Variants in STMND1 observed in about 807,000 individuals in gnomAD.
The protein encoded by STMND1 is stathmin domain containing 1.
A neutral mutation model predicts 23.0 loss-of-function variants in STMND1; 17 were observed. The ratio of observed to expected loss-of-function variants is 0.74; its 90% confidence interval spans 0.51 to 1.11. The LOEUF (loss-of-function observed/expected upper bound fraction) is 1.11. Ranked by LOEUF, STMND1 falls within the 50% of genes least tolerant of loss-of-function variation. The pLI, the probability that STMND1 is intolerant of heterozygous loss-of-function variation, is 0.00. For missense variants in STMND1, 305 were observed against 329.1 expected (o/e 0.93, Z 0.57); for synonymous variants, 114 against 119.9 (o/e 0.95, Z 0.32).
chr6:17,102,234 G>A lies in STMND1; in HGVS notation c.-24G>A, dbSNP rs1760948050. On this transcript the variant is annotated 5_prime_UTR_variant, in exon 1 of 5. Coordinates refer to ENST00000536551, the MANE Select transcript of STMND1 (RefSeq NM_001190766.2). ...GGGGGCGCACAGCAGCCAAGCCCGC[G>A]GAGGAGGAGCGCGCGCGCGCAGCAT... 6.6e-7 allele frequency: 1 copy of A among 1,518,274 alleles called. No homozygotes were observed. Among genetic ancestry groups the A allele is most frequent in the South Asian group, 1.2e-5 (1 of 82,068 alleles). 94.1% of individuals were successfully genotyped at this position (1,518,274 alleles called of 1,614,324 possible).
At chr6:17,127,022 G>C (rs553481944) in intron 3 of STMND1, among the ~76,000 whole-genome samples, 1 of 152,312 alleles carries the variant, frequency 6.6e-6, no homozygotes, top group South Asian at 2.1e-4. Context: ...CCGGCTGTAG[G>C]CTCTCCTTCC....
chr6:17,108,336 CT>C (rs562049433), intron 1 of STMND1, among the ~76,000 whole-genome samples: 242 of 105,232 alleles, frequency 2.3e-3, no homozygotes, highest in African/African-American at 7.7e-3. Context: ...TTCAAATTCG[CT>C]CTCAATTCCC....
chr6:17,131,089 C>T lies in STMND1; in HGVS notation c.*208C>T. ...TTTTAAAAAAAGAGCGAGGGGGAGA[C>T]TTGACCAGCATAGATATTTGGCACT... On this transcript the variant is annotated 3_prime_UTR_variant, in exon 5 of 5. Coordinates refer to ENST00000536551, the MANE Select transcript of STMND1 (RefSeq NM_001190766.2). 2.0e-6 allele frequency: 1 copy of T among 489,022 alleles called. No individual in the cohort carries two copies. Among genetic ancestry groups the T allele is most frequent in the East Asian group, 3.1e-5 (1 of 31,784 alleles). The allele number at this position is 489,022 out of a possible 1,614,324, so 30.3% of individuals were successfully genotyped here.
At chr6:17,119,001 T>G (rs1192846090) in intron 2 of STMND1, among the ~76,000 whole-genome samples, 2 of 152,160 alleles carry the variant, frequency 1.3e-5, no homozygotes, top group African/African-American at 4.8e-5. Context: ...TTTTGACCCT[T>G]CCAGACAAGG....
Position 17,102,339 on chromosome 6 carries a change from GTA to G in STMND1, c.81+2_81+3del. ...GAAGGGCTGGAAAGAGGAATTCAAG[GTA>G]ATAAACAAACAAACAAACAAACAAA... On this transcript the variant is annotated splice_donor_variant and splice_donor_region_variant and intron_variant, in intron 1 of 4. Transcript: ENST00000536551. LOFTEE classifies it high-confidence loss of function. The G allele has an allele frequency of 6.5e-7, 1 of 1,534,490 alleles. No homozygotes were observed. The highest frequency in any genetic ancestry group is 8.7e-7 in the Non-Finnish European group (1 of 1,146,686).
chr6:17,120,122 A>G (rs1234331116), intron 2 of STMND1, among the ~76,000 whole-genome samples: 1 of 152,242 alleles, frequency 6.6e-6, no homozygotes, highest in Non-Finnish European at 1.5e-5. Flanking sequence ...ATGTAGACTT[A>G]GCAGATGGCG....
intron 1 of STMND1, among the ~76,000 whole-genome samples, chr6:17,108,937 T>C (rs1038260803): frequency 6.6e-6 from 1 of 152,336 alleles, no homozygotes; most frequent in East Asian, 1.9e-4. Context: ...CCTCAGGTGA[T>C]CTGCCTGCCT....
intron 2 of STMND1, among the ~76,000 whole-genome samples, chr6:17,117,667 C>CTTTTTTTTT (rs34107338): frequency 2.0e-4 from 10 of 49,582 alleles, no homozygotes; most frequent in South Asian, 1.1e-3. Flanking sequence ...TTGGGTTACG[C>CTTTTTTTTT]TTTTTTTTTT....
intron 2 of STMND1, among the ~76,000 whole-genome samples, chr6:17,119,099 T>C (rs1039808008): frequency 2.6e-5 from 4 of 152,154 alleles, no homozygotes; most frequent in African/African-American, 9.7e-5. Context: ...TGTTTCAAGT[T>C]TCTAGTTGAC....
chr6:17,116,660 G>A (rs1761164901), intron 2 of STMND1, among the ~76,000 whole-genome samples: 1 of 151,920 alleles, frequency 6.6e-6, no homozygotes, highest in African/African-American at 2.4e-5. Flanking sequence ...GGCCGGTCTC[G>A]AACTCCTGAC....
intron 3 of STMND1, chr6:17,127,832 C>A (rs1761329374): frequency 6.6e-6 from 1 of 152,118 alleles, no homozygotes; most frequent in Admixed American, 6.5e-5. Context: ...ACTACCCCCA[C>A]CCAGTTGTAA....
intron 1 of STMND1, among the ~76,000 whole-genome samples, chr6:17,114,206 T>C (rs1761129092): frequency 6.6e-6 from 1 of 152,050 alleles, no homozygotes; most frequent in Admixed American, 6.6e-5. Context: ...TTCCTGCAAC[T>C]AGACAATCCT....
At position 17,121,278 on chromosome 6, in the gene STMND1, C is replaced by T. The variant is rs115356865; in HGVS notation, c.411+520C>T. Among the ~76,000 whole-genome samples, 897 of 152,268 alleles carry T rather than the reference C, an allele frequency of 5.9e-3. 6 individuals carry two copies. Among genetic ancestry groups the T allele is most frequent in the African/African-American group, 0.021 (852 of 41,538 alleles). On this transcript the variant is annotated intron_variant, in intron 3 of 4. Coordinates refer to ENST00000536551, the MANE Select transcript of STMND1 (RefSeq NM_001190766.2). ...ATAGAAATGTGAGAACAGACTAATA[C>T]ACCACCCTTCTTTGTGGACTCAGAA...
intron 1 of STMND1, among the ~76,000 whole-genome samples, chr6:17,113,796 A>G (rs1208507000): frequency 6.6e-6 from 1 of 152,070 alleles, no homozygotes; most frequent in Non-Finnish European, 1.5e-5. Context: ...AGCAAAAACA[A>G]TATAGCTTCG....
chr6:17,126,058 AT>A (rs1761294708), intron 3 of STMND1, among the ~76,000 whole-genome samples: 1 of 23,112 alleles, frequency 4.3e-5, no homozygotes, highest in African/African-American at 1.8e-4. Context: ...ATATATATAT[AT>A]ATATATATAT....
chr6:17,102,195 C>G lies in STMND1; in HGVS notation c.-63C>G, dbSNP rs1276239161. 2 of 1,458,734 alleles carry G rather than the reference C, an allele frequency of 1.4e-6. No homozygotes were observed. Among genetic ancestry groups the G allele is most frequent in the South Asian group, 2.7e-5 (2 of 73,782 alleles). The allele number at this position is 1,458,734 out of a possible 1,614,324, so 90.4% of individuals were successfully genotyped here. ...CGGGACCACCGGCGCCGGAGCGCGG[C>G]AGGGAGCGCTCGCGGGGGCGCACAG... On this transcript the variant is annotated 5_prime_UTR_variant, in exon 1 of 5. Coordinates refer to ENST00000536551, the MANE Select transcript of STMND1 (RefSeq NM_001190766.2).
chr6:17,125,120 C>T (rs1761279123), intron 3 of STMND1, among the ~76,000 whole-genome samples: 1 of 138,672 alleles, frequency 7.2e-6, no homozygotes, highest in Non-Finnish European at 1.5e-5. Context: ...TGTTCAAGAC[C>T]AGCCTGGGCA....
chr6:17,106,641 A>G (rs116821710), intron 1 of STMND1, among the ~76,000 whole-genome samples: 3,650 of 152,300 alleles, frequency 0.024, 71 homozygotes, highest in Non-Finnish European at 0.036. Flanking sequence ...ACACTCTATA[A>G]CTATTGGAAT....
intron 2 of STMND1, among the ~76,000 whole-genome samples, chr6:17,119,630 G>A (rs1761203739): frequency 6.6e-6 from 1 of 151,912 alleles, no homozygotes; most frequent in Non-Finnish European, 1.5e-5. Context: ...AACCTGGGAG[G>A]AGGAGGTTGC....
Sources: gnomAD v4.1 joint callset for allele counts (sites outside exome capture counted in the v4.1 genomes callset) on GRCh38, gnomAD v4.1.1 for gene constraint, MANE v1.5 for transcripts, NCBI Gene and HGNC (gene_info 2026-07-23, HGNC 2026-07-21) for gene names.